Variants in RARB observed in about 807,000 individuals in gnomAD.
RARB encodes retinoic acid receptor beta, also known as HBV-activated protein.
In RARB, 17 loss-of-function variants were observed where a neutral mutation model predicts 51.9. That is an observed-to-expected ratio of 0.33 (90% confidence interval 0.22 to 0.49). RARB has a LOEUF of 0.49. Ranked by LOEUF, RARB falls within the 20% of genes least tolerant of loss-of-function variation. The probability of loss-of-function intolerance (pLI) is 0.99; values close to 1 mark genes in which losing one functional copy is unlikely to be tolerated. For synonymous variants in RARB, 215 were observed against 195.4 expected (o/e 1.10, Z -0.84); for missense variants, 369 against 550.8 (o/e 0.67, Z 3.30).
chr3:25,062,655 A>G (rs1000511999), intron 3 of RARB, among the ~76,000 whole-genome samples: 2 of 151,952 alleles, frequency 1.3e-5, no homozygotes, highest in African/African-American at 4.8e-5. Context: ...GAAAGAAGCC[A>G]GTGCAAAAAA....
At chr3:25,527,437 CTAAACCAATTTCCT>C (rs1698702666) in intron 3 of RARB, among the ~76,000 whole-genome samples, 1 of 152,198 alleles carries the variant, frequency 6.6e-6, no homozygotes. Flanking sequence ...TATTTTTCAA[CTAAACCAATTTCCT>C]TTAGGATAGA....
intron 2 of RARB, among the ~76,000 whole-genome samples, chr3:24,920,544 T>A (rs1180428590): frequency 6.6e-6 from 1 of 151,908 alleles, no homozygotes; most frequent in East Asian, 1.9e-4. Context: ...TAATCAACTC[T>A]AATTCTCTTC....
chr3:25,130,894 ATATCAATATTATTGATAATAT>A (rs200719829), intron 3 of RARB, among the ~76,000 whole-genome samples: 7 of 42,676 alleles, frequency 1.6e-4, no homozygotes, highest in African/African-American at 2.3e-4. Flanking sequence ...ATTATTGATA[ATATCAATATTATTGATAATAT>A]TATCAATATT....
intron 5 of RARB, among the ~76,000 whole-genome samples, chr3:25,386,579 G>A (rs746651587): frequency 1.3e-5 from 2 of 152,164 alleles, no homozygotes; most frequent in Non-Finnish European, 2.9e-5. Flanking sequence ...GGATTCAGGC[G>A]GAGGCCTTGG....
intron 5 of RARB, among the ~76,000 whole-genome samples, chr3:25,187,087 T>G (rs1700996505): frequency 6.6e-6 from 1 of 151,986 alleles, no homozygotes; most frequent in Non-Finnish European, 1.5e-5. Context: ...TCTTCAGAGA[T>G]AGGGATGTGC....
chr3:25,493,819 C>T (rs1310281449), intron 2 of RARB, among the ~76,000 whole-genome samples: 2 of 152,182 alleles, frequency 1.3e-5, no homozygotes, highest in Non-Finnish European at 2.9e-5. Flanking sequence ...AGCCTTAATT[C>T]CTTTCTTCAA....
Position 24,956,938 on chromosome 3 carries a change from T to C in RARB, c.-380+98186T>C, listed in dbSNP as rs189485185. 4.6e-5 allele frequency among the ~76,000 whole-genome samples: 7 copies of C among 152,356 alleles called. No homozygotes were observed. The East Asian group carries it at 1.2e-3, about 25-fold the overall frequency. ...ACAGTTGCAACAGCCAGTACAGTTATGGGCCAATCCCTCTGAGTTACGGAG... is the reference window on the plus strand; with the variant it reads ...ACAGTTGCAACAGCCAGTACAGTTACGGGCCAATCCCTCTGAGTTACGGAG... On this transcript the variant is annotated intron_variant, in intron 2 of 11. Coordinates refer to the RARB transcript ENST00000383772.
intron 5 of RARB, among the ~76,000 whole-genome samples, chr3:25,186,616 C>T (rs996586205): frequency 6.6e-6 from 1 of 151,742 alleles, no homozygotes; most frequent in South Asian, 2.1e-4. Context: ...TTATACACCA[C>T]GAACATGGAT....
chr3:24,951,810 C>T (rs1440756016), intron 2 of RARB, among the ~76,000 whole-genome samples: 3 of 152,190 alleles, frequency 2.0e-5, no homozygotes, highest in Non-Finnish European at 4.4e-5. Flanking sequence ...AAAATATATT[C>T]ATGATAAACA....
chr3:25,453,749 A>T (rs1452365479), intron 1 of RARB, among the ~76,000 whole-genome samples: 1 of 152,168 alleles, frequency 6.6e-6, no homozygotes. Flanking sequence ...CTCGGCCAGG[A>T]TCCCTGGTGA....
chr3:24,890,265 G>A (rs1210684589), intron 2 of RARB, among the ~76,000 whole-genome samples: 2 of 152,158 alleles, frequency 1.3e-5, no homozygotes, highest in Non-Finnish European at 2.9e-5. Flanking sequence ...CCCAGTTGGT[G>A]CTAAGCCTCA....
chr3:25,130,696 T>C (rs993474558), intron 3 of RARB, among the ~76,000 whole-genome samples: 4 of 151,918 alleles, frequency 2.6e-5, no homozygotes, highest in African/African-American at 9.7e-5. Context: ...TCACTTTTTA[T>C]AGTTACTGGT....
intron 1 of RARB, among the ~76,000 whole-genome samples, chr3:25,450,254 G>A (rs922918105): frequency 1.1e-4 from 17 of 151,900 alleles, no homozygotes; most frequent in Admixed American, 4.6e-4. Context: ...TTATTGATAC[G>A]GACTTAATCC....
intron 5 of RARB, among the ~76,000 whole-genome samples, chr3:25,202,781 T>C (rs1025062814): frequency 1.3e-4 from 20 of 152,240 alleles, no homozygotes; most frequent in African/African-American, 4.3e-4. Context: ...CTAGTTTGAT[T>C]GCACTGTGGT....
chr3:25,443,156 A>G (rs926320066), intron 1 of RARB, among the ~76,000 whole-genome samples: 3 of 152,200 alleles, frequency 2.0e-5, no homozygotes, highest in African/African-American at 7.2e-5. Context: ...GAACATCTCA[A>G]GTGAGCTAAT....
chr3:25,167,810 C>A (rs1700583602), intron 4 of RARB, among the ~76,000 whole-genome samples: 1 of 152,112 alleles, frequency 6.6e-6, no homozygotes, highest in Non-Finnish European at 1.5e-5. Flanking sequence ...GTAAGTCCAC[C>A]AGCAGCCCCA....
At position 25,428,699 on chromosome 3, in the gene RARB, G is replaced by C; in HGVS notation, c.-33G>C. ...ATTTGCCTCCACACCTAGAGGATAA[G>C]CACTTTTGCAGACATTCAGTGCAAG... On this transcript the variant is annotated 5_prime_UTR_variant, in exon 1 of 8. Transcript: ENST00000330688. 1 of 1,588,472 alleles carries C rather than the reference G, an allele frequency of 6.3e-7. No homozygotes were observed. Among genetic ancestry groups the C allele is most frequent in the African/African-American group, 1.3e-5 (1 of 74,644 alleles).
chr3:25,080,532 A>G (rs931591199), intron 3 of RARB, among the ~76,000 whole-genome samples: 4 of 152,218 alleles, frequency 2.6e-5, no homozygotes, highest in East Asian at 1.9e-4. Flanking sequence ...GCATTCCCAT[A>G]AGAAAAATGT....
chr3:25,493,385 C>G (rs1046195634), intron 2 of RARB, among the ~76,000 whole-genome samples: 3 of 152,164 alleles, frequency 2.0e-5, no homozygotes, highest in African/African-American at 7.2e-5. Context: ...GGTTTAAAAA[C>G]CATGTTTCCC....
Sources: allele counts gnomAD v4.1 joint callset (sites outside exome capture counted in the v4.1 genomes callset), GRCh38; gene constraint gnomAD v4.1.1; transcripts MANE v1.5; gene names NCBI Gene and HGNC (gene_info 2026-07-23, HGNC 2026-07-21).